SEPTIN7: variants seen among roughly 807,000 people sequenced by gnomAD.
SEPTIN7 encodes the protein septin-7.
A neutral mutation model predicts 63.3 loss-of-function variants in SEPTIN7; 10 were observed. The ratio of observed to expected loss-of-function variants is 0.16; its 90% confidence interval spans 0.10 to 0.27. SEPTIN7 has a LOEUF of 0.27. Ranked by LOEUF, SEPTIN7 falls within the 10% of genes least tolerant of loss-of-function variation. The pLI is 1.00. For missense variants in SEPTIN7, 310 were observed against 521.0 expected, an observed-to-expected ratio of 0.59 and a Z score of 3.94; for synonymous variants, 131 against 165.3, an observed-to-expected ratio of 0.79 and a Z score of 1.59.
chr7:35,883,778 G>T (rs571757670), intron 8 of SEPTIN7, 113 bp from the exon 9 acceptor site: 1 of 542,376 alleles, frequency 1.8e-6, no homozygotes, highest in Admixed American at 3.9e-5. Flanking sequence ...AGAAACTATC[G>T]AAAGTAAATT....
rs549822345 is a variant in SEPTIN7 at position 35,824,301 on chromosome 7, C to G, written c.62-7191C>G. Among the ~76,000 whole-genome samples the G allele has an allele frequency of 5.9e-5, 9 of 152,212 alleles. 1 individual carries two copies. The South Asian group carries it at 1.9e-3, about 32-fold the overall frequency. The stretch of plus-strand genomic sequence containing the variant: ...TTGAGGGGGCTGCTACAGTTGACCT[C>G]CTTTGAAATGCTTCTGGGAACTCTT... On this transcript the variant is annotated intron_variant, in intron 1 of 13. Coordinates refer to ENST00000350320, the MANE Select transcript of SEPTIN7 (RefSeq NM_001788.6).
downstream of SEPTIN7, among the ~76,000 whole-genome samples, chr7:35,911,272 T>C (rs1254281972): frequency 6.6e-6 from 1 of 152,244 alleles, no homozygotes; most frequent in Non-Finnish European, 1.5e-5. Context: ...GGAACAATTA[T>C]ACTTATTGGG....
At chr7:35,879,089 G>A (rs1786665999) in intron 6 of SEPTIN7, among the ~76,000 whole-genome samples, 1 of 152,144 alleles carries the variant, frequency 6.6e-6, no homozygotes, top group Non-Finnish European at 1.5e-5. Context: ...AATAAGTAAT[G>A]GTAAGCACCA....
rs903790571 is a variant in SEPTIN7 at position 35,900,315 on chromosome 7, C to T, written c.1134+1932C>T. 7.1e-4 allele frequency: 108 copies of T among 152,138 alleles called. 1 individual carries two copies. Among genetic ancestry groups the T allele is most frequent in the Admixed American group, 4.6e-3 (71 of 15,282 alleles). The allele number at this position is 152,138 out of a possible 1,614,324, so 9.4% of individuals were successfully genotyped here. On this transcript the variant is annotated intron_variant, in intron 12 of 13. Coordinates refer to ENST00000350320, the MANE Select transcript of SEPTIN7 (RefSeq NM_001788.6). ...TGGAATAATTCCTCCTGGTTTCAGA[C>T]GCTGAGCACTACAGGATTAGCATCC...
chr7:35,864,680 A>G (rs1188640862), intron 4 of SEPTIN7, among the ~76,000 whole-genome samples: 1 of 152,136 alleles, frequency 6.6e-6, no homozygotes, highest in Non-Finnish European at 1.5e-5. Context: ...AAAATTATAA[A>G]TTATATGATT....
downstream of SEPTIN7, among the ~76,000 whole-genome samples, chr7:35,910,250 G>A (rs2116425030): frequency 6.6e-6 from 1 of 152,340 alleles, no homozygotes; most frequent in African/African-American, 2.4e-5. Flanking sequence ...TGAAGGAGCT[G>A]TACAAGAGCG....
At chr7:35,893,684 G>C (rs1787786643) in intron 11 of SEPTIN7, among the ~76,000 whole-genome samples, 1 of 152,160 alleles carries the variant, frequency 6.6e-6, no homozygotes, top group Admixed American at 6.5e-5. Context: ...GCACACTGTA[G>C]AGTCTATTGA....
At chr7:35,878,381 T>C (rs944904552) in intron 6 of SEPTIN7, among the ~76,000 whole-genome samples, 1 of 152,146 alleles carries the variant, frequency 6.6e-6, no homozygotes, top group Non-Finnish European at 1.5e-5. Flanking sequence ...TCAGAAAGGC[T>C]GGCACATTGG....
chr7:35,845,585 T>G (rs745792217), intron 3 of SEPTIN7, among the ~76,000 whole-genome samples: 1 of 152,238 alleles, frequency 6.6e-6, no homozygotes, highest in African/African-American at 2.4e-5. Context: ...ATGGTTTAGC[T>G]GAGTAGCTTA....
At chr7:35,884,077 GT>G (rs775050015) in intron 9 of SEPTIN7, 90 bp downstream of exon 9, 270 of 693,972 alleles carry the variant, frequency 3.9e-4, no homozygotes, top group Non-Finnish European at 6.1e-4. Context: ...TATGCACACT[GT>G]ATTGATATAG....
At chr7:35,902,921 T>G in intron 12 of SEPTIN7, 155 bp from the exon 13 acceptor site, 1 of 1,156,152 alleles carries the variant, frequency 8.6e-7, no homozygotes. Flanking sequence ...GGAGGAGGAG[T>G]CCTTGACCAG....
At position 35,801,103 on chromosome 7, in the gene SEPTIN7, A is replaced by T; in HGVS notation, c.-107A>T. 1 of 874,382 alleles carries T rather than the reference A, an allele frequency of 1.1e-6. No homozygotes were observed. Among genetic ancestry groups the T allele is most frequent in the Non-Finnish European group, 1.6e-6 (1 of 606,310 alleles). The allele number at this position is 874,382 out of a possible 1,614,324, so 54.2% of individuals were successfully genotyped here. A position where few individuals can be genotyped will look rare whatever the true frequency, so the allele number is the denominator to read the frequency against. On this transcript the variant is annotated 5_prime_UTR_variant, in exon 1 of 14. Transcript: ENST00000350320. ...GGAGTCCGCCTGCTGTAGCGTGCGT[A>T]AGCAAGGCAGCTACGCCGGGCGGCT...
chr7:35,899,578 T>C (rs1228465462), intron 12 of SEPTIN7: 1 of 152,062 alleles, frequency 6.6e-6, no homozygotes, highest in Admixed American at 6.6e-5. Flanking sequence ...AATAATAAAT[T>C]ATTTTAAAAT....
At chr7:35,865,395 A>C (rs553278201) in intron 4 of SEPTIN7, among the ~76,000 whole-genome samples, 8 of 152,278 alleles carry the variant, frequency 5.3e-5, no homozygotes, top group African/African-American at 1.9e-4. Flanking sequence ...TGTTACATAC[A>C]TATACTTTTT....
chr7:35,834,507 T>C (rs1423779701), intron 3 of SEPTIN7, among the ~76,000 whole-genome samples: 1 of 152,018 alleles, frequency 6.6e-6, no homozygotes, highest in Non-Finnish European at 1.5e-5. Flanking sequence ...AGCTTTTCTT[T>C]TTTCTCTTCC....
intron 3 of SEPTIN7, among the ~76,000 whole-genome samples, chr7:35,857,423 AT>A (rs1348109452): frequency 2.6e-5 from 4 of 152,190 alleles, no homozygotes; most frequent in Admixed American, 2.6e-4. Context: ...TTATCTTTAA[AT>A]TGCAGTTTTC....
chr7:35,902,202 T>A (rs1251552336), intron 12 of SEPTIN7: 3 of 151,932 alleles, frequency 2.0e-5, no homozygotes, highest in Admixed American at 2.0e-4. Flanking sequence ...ATCTGATTTT[T>A]AAAATTTGTT....
intron 6 of SEPTIN7, among the ~76,000 whole-genome samples, chr7:35,878,310 C>A (rs920264381): frequency 1.3e-5 from 2 of 151,786 alleles, no homozygotes; most frequent in African/African-American, 4.9e-5. Context: ...GGTGTTCCAG[C>A]TAAGGTAGTA....
At chr7:35,892,451 C>T (rs369967789) in intron 11 of SEPTIN7, among the ~76,000 whole-genome samples, 20 of 152,202 alleles carry the variant, frequency 1.3e-4, no homozygotes, top group African/African-American at 4.3e-4. Flanking sequence ...ATTAACGATG[C>T]ACTTTTTAAC....
Sources: gnomAD v4.1 joint callset for allele counts (sites outside exome capture counted in the v4.1 genomes callset) on GRCh38, gnomAD v4.1.1 for gene constraint, MANE v1.5 for transcripts, NCBI Gene and HGNC (gene_info 2026-07-23, HGNC 2026-07-21) for gene names.